Variants in PPARGC1A observed in about 807,000 individuals in gnomAD.
The protein encoded by PPARGC1A is PPARG coactivator 1 alpha, also known as peroxisome proliferator-activated receptor gamma coactivator 1-alpha.
PPARGC1A carries 25 observed loss-of-function variants against 88.7 expected under a neutral mutation model. The observed-to-expected ratio is 0.28, with a 90% confidence interval of 0.21 to 0.39. The LOEUF (loss-of-function observed/expected upper bound fraction) is 0.39, where lower values mean the gene tolerates loss of function less well. Ranked by LOEUF, PPARGC1A falls within the 10% of genes least tolerant of loss-of-function variation. PPARGC1A has a pLI of 1.00. For synonymous variants in PPARGC1A, 363 were observed against 355.6 expected, an observed-to-expected ratio of 1.02 and a Z score of -0.24; for missense variants, 880 against 968.7, an observed-to-expected ratio of 0.91 and a Z score of 1.22.
At chr4:24,375,634 GC>G in the PPARGC1A span, among the ~76,000 whole-genome samples, 1 of 152,148 alleles carries the variant, frequency 6.6e-6, no homozygotes, top group Admixed American at 6.5e-5. Flanking sequence ...AGACGATAGA[GC>G]TTATATTATG....
chr4:23,907,458 G>A (rs938204487), upstream of PPARGC1A, among the ~76,000 whole-genome samples: 1 of 152,210 alleles, frequency 6.6e-6, no homozygotes, highest in Non-Finnish European at 1.5e-5. Context: ...GTCACATGCA[G>A]AATACGTTGG....
chr4:24,099,927 C>T, the PPARGC1A span, among the ~76,000 whole-genome samples: 1 of 133,568 alleles, frequency 7.5e-6, no homozygotes, highest in Non-Finnish European at 1.5e-5. Flanking sequence ...ACAATGAGAA[C>T]ACTTGGGCAC....
At chr4:24,472,777 CGTGTGTGTGCGT>C in the PPARGC1A span, among the ~76,000 whole-genome samples, 11 of 151,648 alleles carry the variant, frequency 7.3e-5, no homozygotes, top group African/African-American at 2.7e-4. The surrounding 1 kb of genome is among the most constrained non-coding windows in gnomAD (Gnocchi z 4.5). Context: ...TGTGTGCGCG[CGTGTGTGTGCGT>C]GTGCGTGTGT....
chr4:24,112,089 A>C, the PPARGC1A span, among the ~76,000 whole-genome samples: 1 of 152,232 alleles, frequency 6.6e-6, no homozygotes, highest in Non-Finnish European at 1.5e-5. Context: ...AATGATTTCT[A>C]AATGGGTAGA....
chr4:23,800,172 C>T (rs1263365156), intron 12 of PPARGC1A, among the ~76,000 whole-genome samples: 1 of 151,934 alleles, frequency 6.6e-6, no homozygotes, highest in African/African-American at 2.4e-5. Flanking sequence ...TTCTTTTTAC[C>T]AACCCAGAGA....
At chr4:24,225,599 G>C in the PPARGC1A span, among the ~76,000 whole-genome samples, 2 of 151,974 alleles carry the variant, frequency 1.3e-5, no homozygotes, top group African/African-American at 4.8e-5. Flanking sequence ...AGATCCCAGG[G>C]ATGTTTTGAA....
At chr4:24,164,793 G>T in the PPARGC1A span, among the ~76,000 whole-genome samples, 1 of 152,142 alleles carries the variant, frequency 6.6e-6, no homozygotes, top group Non-Finnish European at 1.5e-5. Flanking sequence ...AGATTGAAGG[G>T]TATATAAACC....
At chr4:24,007,006 T>C in the PPARGC1A span, among the ~76,000 whole-genome samples, 1 of 152,220 alleles carries the variant, frequency 6.6e-6, no homozygotes, top group Non-Finnish European at 1.5e-5. Context: ...TCATCTATTA[T>C]TTTGATGTCT....
At chr4:24,008,036 G>A in the PPARGC1A span, among the ~76,000 whole-genome samples, 5 of 152,278 alleles carry the variant, frequency 3.3e-5, 1 homozygote, top group African/African-American at 1.2e-4. Flanking sequence ...ATTCAATAAA[G>A]GTTCCTGCTG....
intron 2 of PPARGC1A, among the ~76,000 whole-genome samples, chr4:23,854,228 A>T (rs1729800417): frequency 6.6e-6 from 1 of 152,188 alleles, no homozygotes; most frequent in South Asian, 2.1e-4. Context: ...AGAAGAGAGA[A>T]TCATTTTTAG....
At chr4:24,282,280 C>T in the PPARGC1A span, among the ~76,000 whole-genome samples, 11 of 152,156 alleles carry the variant, frequency 7.2e-5, no homozygotes, top group African/African-American at 2.7e-4. Flanking sequence ...AACCATGTAA[C>T]CAAGCAATTC....
intron 10 of PPARGC1A, among the ~76,000 whole-genome samples, chr4:23,808,335 A>G (rs989711442): frequency 1.3e-5 from 2 of 151,858 alleles, no homozygotes; most frequent in Non-Finnish European, 2.9e-5. Context: ...GCAGTACTAC[A>G]CTGTCCCTGG....
the PPARGC1A span, among the ~76,000 whole-genome samples, chr4:24,394,096 G>A: frequency 6.6e-5 from 10 of 152,286 alleles, no homozygotes; most frequent in Admixed American, 5.9e-4. Flanking sequence ...CTTTGTCTGA[G>A]CCTGCTTTCT....
the PPARGC1A span, among the ~76,000 whole-genome samples, chr4:24,259,176 A>C: frequency 6.6e-6 from 1 of 152,174 alleles, no homozygotes; most frequent in Non-Finnish European, 1.5e-5. Context: ...GGATTACAGA[A>C]ATACTAAAAG....
At chr4:24,060,328 T>C in the PPARGC1A span, among the ~76,000 whole-genome samples, 10 of 152,200 alleles carry the variant, frequency 6.6e-5, no homozygotes, top group Non-Finnish European at 1.3e-4. Context: ...TTTCAGGAAA[T>C]ATACCCCGTT....
the PPARGC1A span, among the ~76,000 whole-genome samples, chr4:24,278,749 C>G: frequency 6.6e-6 from 1 of 152,032 alleles, no homozygotes; most frequent in African/African-American, 2.4e-5. Context: ...CTGACAAATC[C>G]CTACATTGTG....
chr4:24,465,320 T>C, the PPARGC1A span, among the ~76,000 whole-genome samples: 1 of 152,208 alleles, frequency 6.6e-6, no homozygotes, highest in African/African-American at 2.4e-5. Flanking sequence ...TTTTCTCCTT[T>C]CTTCTTTTTT....
Position 23,889,909 on chromosome 4 carries a change from T to C in PPARGC1A, c.49A>G (p.Ile17Val). The C allele has an allele frequency of 1.2e-6, 2 of 1,613,684 alleles. No individual in the cohort carries two copies. Among genetic ancestry groups the C allele is most frequent in the Non-Finnish European group, 1.7e-6 (2 of 1,179,728 alleles). Residue 17 changes from isoleucine (I) to valine (V), a missense_variant, in exon 1 of 13, where the codon ATC (isoleucine) becomes GTC (valine). Physicochemically the swap from Ile to Val is conservative, Grantham distance 29. Coordinates refer to ENST00000264867, the MANE Select transcript of PPARGC1A (RefSeq NM_013261.5). Reference sequence around the variant, plus strand: ...CGAGCCCTGCCCCAGCTCACCTCGATGTCACTCCATACAGACTCAGAGTCC... The same window carrying C: ...CGAGCCCTGCCCCAGCTCACCTCGACGTCACTCCATACAGACTCAGAGTCC... ...NQDSESVWSDIECAALVGEDQ... is the reference protein window; with the variant it reads ...NQDSESVWSDVECAALVGEDQ...
intron 7 of PPARGC1A, among the ~76,000 whole-genome samples, chr4:23,819,493 G>A (rs1722590220): frequency 6.6e-6 from 1 of 152,152 alleles, no homozygotes; most frequent in African/African-American, 2.4e-5. Context: ...ATTGACCCTT[G>A]TGTAAATTCC....
Sources: gnomAD v4.1 joint callset for allele counts (sites outside exome capture counted in the v4.1 genomes callset) on GRCh38, gnomAD v4.1.1 for gene constraint, Gnocchi (gnomAD v3.1) non-coding constraint, MANE v1.5 for transcripts, NCBI Gene and HGNC (gene_info 2026-07-23, HGNC 2026-07-21) for gene names.